TSPAN7: variants seen among roughly 807,000 people sequenced by gnomAD.
TSPAN7 encodes the protein tetraspanin 7.
Under a neutral mutation model 17.6 loss-of-function variants are expected in TSPAN7, and 1 was observed. That is an observed-to-expected ratio of 0.06 (90% confidence interval 0.02 to 0.27). The LOEUF is 0.27. Ranked by LOEUF, TSPAN7 falls within the 10% of genes least tolerant of loss-of-function variation. The pLI is 1.00. For missense variants in TSPAN7, 112 were observed against 201.7 expected (o/e 0.56, Z 2.69); for synonymous variants, 78 against 79.0 (o/e 0.99, Z 0.07).
chrX:38,613,628 G>C (rs762295205), intron 1 of TSPAN7, among the ~76,000 whole-genome samples: 1 of 111,896 alleles, frequency 8.9e-6, no homozygotes, highest in East Asian at 2.8e-4. Flanking sequence ...CTAGTGCTTA[G>C]TCTGGGAGCT....
chrX:38,573,230 A>G (rs1225255710), intron 1 of TSPAN7, among the ~76,000 whole-genome samples: 1 of 111,971 alleles, frequency 8.9e-6, no homozygotes, highest in Non-Finnish European at 1.9e-5. Flanking sequence ...CCTGGAAATT[A>G]AGAATGATTC....
chrX:38,681,769 C>G (rs1308052025), intron 6 of TSPAN7, among the ~76,000 whole-genome samples: 2 of 111,675 alleles, frequency 1.8e-5, no homozygotes, highest in Admixed American at 9.5e-5. Flanking sequence ...CTAAGTTTGG[C>G]TATTCGTAAC....
At chrX:38,646,384 A>G (rs2069646237) in intron 1 of TSPAN7, 5 of 1,006,705 alleles carry the variant, frequency 5.0e-6, no homozygotes, top group Non-Finnish European at 6.6e-6. Context: ...TTGTGAAGGT[A>G]GTGTTTGTTT....
intron 1 of TSPAN7, among the ~76,000 whole-genome samples, chrX:38,587,177 T>G (rs968479298): frequency 6.2e-5 from 7 of 112,281 alleles, no homozygotes; most frequent in African/African-American, 2.3e-4. Flanking sequence ...CGACAAAGAA[T>G]TATGTGGCCC....
At chrX:38,661,924 G>T in intron 1 of TSPAN7, among the ~76,000 whole-genome samples, 1 of 111,348 alleles carries the variant, frequency 9.0e-6, no homozygotes, top group Admixed American at 9.5e-5. Flanking sequence ...TGTGTGGAGT[G>T]AATGTGTGTT....
At chrX:38,592,751 G>A (rs949377646) in intron 1 of TSPAN7, among the ~76,000 whole-genome samples, 7 of 109,327 alleles carry the variant, frequency 6.4e-5, no homozygotes, top group Non-Finnish European at 1.3e-4. Flanking sequence ...TACATTGTAG[G>A]TGTATGTACT....
chrX:38,686,721 A>G (rs2069929596), intron 6 of TSPAN7, among the ~76,000 whole-genome samples: 1 of 112,127 alleles, frequency 8.9e-6, no homozygotes, highest in Non-Finnish European at 1.9e-5. Context: ...GATCCTCCAG[A>G]TTCATGAATG....
chrX:38,687,513 A>G, intron 6 of TSPAN7, 86 bp from the exon 7 acceptor site: 2 of 882,740 alleles, frequency 2.3e-6, no homozygotes, highest in Non-Finnish European at 3.2e-6. Flanking sequence ...CATACCCCAT[A>G]AATATATAAA....
intron 1 of TSPAN7, among the ~76,000 whole-genome samples, chrX:38,643,239 G>A (rs771910494): frequency 6.4e-5 from 7 of 109,942 alleles, no homozygotes; most frequent in African/African-American, 2.0e-4. Flanking sequence ...TGGAGGAGGA[G>A]GGCTTTTCAG....
chrX:38,647,587 CA>C lies in TSPAN7; in HGVS notation c.82-18532del, dbSNP rs777750734. Among the ~76,000 whole-genome samples, 110 of 112,495 alleles carry C rather than the reference CA, an allele frequency of 9.8e-4. 1 individual carries two copies. Among genetic ancestry groups the C allele is most frequent in the Admixed American group, 1.6e-3 (17 of 10,648 alleles). On this transcript the variant is annotated intron_variant, in intron 1 of 7. Transcript: ENST00000378482. Reference sequence around the variant, plus strand: ...AACACAATGATTTGGTCCCTAACCTCAATTGTTTGCATGCTATTAAGAGGAC... The same window carrying C: ...AACACAATGATTTGGTCCCTAACCTCATTGTTTGCATGCTATTAAGAGGAC...
chrX:38,588,272 A>G (rs769886968), intron 1 of TSPAN7, among the ~76,000 whole-genome samples: 2 of 111,319 alleles, frequency 1.8e-5, no homozygotes, highest in African/African-American at 6.5e-5. Flanking sequence ...TTGTGGTGTA[A>G]TGAGAATATA....
chrX:38,586,716 T>A (rs1364873662), intron 1 of TSPAN7, among the ~76,000 whole-genome samples: 1 of 112,294 alleles, frequency 8.9e-6, no homozygotes, highest in Non-Finnish European at 1.9e-5. Flanking sequence ...TATGAAGTTG[T>A]TGAGAGACTT....
In TSPAN7 at chrX:38,675,835, T is replaced by G; in HGVS notation, c.572T>G (p.Val191Gly). The G allele has an allele frequency of 1.7e-6, 2 of 1,211,714 alleles. No homozygotes were observed. The highest frequency in any genetic ancestry group is 1.1e-6 in the Non-Finnish European group (1 of 895,470). The part of the protein sequence containing the change: ...CNPQDLHNLT[V>G]AATKVNQKGC... ...CCCCAGGATCTACACAATCTGACTG[T>G]GGCCGCCACCAAAGTTAACCAGAAG... Residue 191 changes from valine (V) to glycine (G), a missense_variant, in exon 5 of 8, where the codon GTG (valine) becomes GGG (glycine). Transcript: ENST00000378482.
At chrX:38,562,240 T>C (rs1161499631) in intron 1 of TSPAN7, among the ~76,000 whole-genome samples, 2 of 111,518 alleles carry the variant, frequency 1.8e-5, no homozygotes, top group Non-Finnish European at 3.8e-5. Flanking sequence ...GGAGAGGGTC[T>C]TACATAAGCC....
rs750548129 is a variant in TSPAN7, at chrX:38,618,805, G to C, written c.82-47316G>C. On this transcript the variant is annotated intron_variant, in intron 1 of 7. Coordinates refer to ENST00000378482, the MANE Select transcript of TSPAN7 (RefSeq NM_004615.4). ...TGGACAATGGGCACAAATCCTGGCTGTATGGGGTTGGGAGTTGGTGGTCTC... is the reference window on the plus strand; with the variant it reads ...TGGACAATGGGCACAAATCCTGGCTCTATGGGGTTGGGAGTTGGTGGTCTC... Among the ~76,000 whole-genome samples the C allele has an allele frequency of 2.7e-5, 3 of 111,654 alleles. No homozygotes were observed. In the South Asian group the frequency reaches 1.1e-3, roughly 42 times the overall value.
At position 38,607,324 on chromosome X, in the gene TSPAN7, A is replaced by G. The variant is rs1462459679; in HGVS notation, c.81+45697A>G. Among the ~76,000 whole-genome samples, 14 of 112,216 alleles carry G rather than the reference A, an allele frequency of 1.2e-4. No homozygotes were observed. The Admixed American group carries it at 1.3e-3, about 11-fold the overall frequency. The stretch of plus-strand genomic sequence containing the variant: ...AGATAATCCAGAGACCTGCAGGTAC[A>G]GCATTGCAGATCTTGAAACAGAAAA... On this transcript the variant is annotated intron_variant, in intron 1 of 7. Transcript: ENST00000378482.
intron 1 of TSPAN7, among the ~76,000 whole-genome samples, chrX:38,576,618 A>G (rs2069195498): frequency 8.9e-6 from 1 of 111,873 alleles, no homozygotes. Context: ...ATGAACTGTA[A>G]GAGAGAGAGC....
At chrX:38,607,227 G>C (rs1046151810) in intron 1 of TSPAN7, among the ~76,000 whole-genome samples, 5 of 111,600 alleles carry the variant, frequency 4.5e-5, no homozygotes, top group Admixed American at 2.9e-4. Flanking sequence ...ACTGCACTGG[G>C]CTGCTCTGTA....
At chrX:38,634,089 A>G (rs2069566142) in intron 1 of TSPAN7, among the ~76,000 whole-genome samples, 1 of 112,125 alleles carries the variant, frequency 8.9e-6, no homozygotes, top group Non-Finnish European at 1.9e-5. Context: ...AAAAATTTTT[A>G]GGACCAGTCA....
Sources: allele counts gnomAD v4.1 joint callset (sites outside exome capture counted in the v4.1 genomes callset), GRCh38; gene constraint gnomAD v4.1.1; transcripts MANE v1.5; gene names NCBI Gene and HGNC (gene_info 2026-07-23, HGNC 2026-07-21).